The following THSD7A variants were observed in gnomAD, a reference collection of about 807,000 sequenced individuals.
The protein encoded by THSD7A is thrombospondin type-1 domain-containing protein 7A.
In THSD7A, 96 loss-of-function variants were observed where a neutral mutation model predicts 231.3. That is an observed-to-expected ratio of 0.41 (90% confidence interval 0.35 to 0.49). THSD7A has a LOEUF of 0.49. THSD7A is among the 20% of genes least tolerant of loss of function. THSD7A has a pLI of 0.05. For missense variants in THSD7A, 2,290 were observed against 2,070.2 expected (o/e 1.11, Z -2.06); for synonymous variants, 940 against 743.3 (o/e 1.26, Z -4.30).
intron 4 of THSD7A, among the ~76,000 whole-genome samples, chr7:11,551,864 C>T (rs1789642607): frequency 6.6e-6 from 1 of 152,028 alleles, no homozygotes; most frequent in Non-Finnish European, 1.5e-5. Context: ...AAGGAAAATA[C>T]ATCAGTTTAC....
intron 6 of THSD7A, among the ~76,000 whole-genome samples, chr7:11,528,442 G>A (rs1294551013): frequency 6.6e-6 from 1 of 152,086 alleles, no homozygotes; most frequent in East Asian, 1.9e-4. Context: ...CGACTGGGAG[G>A]TAAGATCCAT....
chr7:11,514,010 C>T (rs1386991000), intron 6 of THSD7A, among the ~76,000 whole-genome samples: 2 of 151,936 alleles, frequency 1.3e-5, no homozygotes, highest in Non-Finnish European at 2.9e-5. Flanking sequence ...ATTTCTCAAA[C>T]ATGCTACGTG....
At chr7:11,396,076 TAAG>T (rs1345888904) in intron 23 of THSD7A, among the ~76,000 whole-genome samples, 1 of 151,910 alleles carries the variant, frequency 6.6e-6, no homozygotes, top group East Asian at 1.9e-4. Flanking sequence ...CAGAAATAAG[TAAG>T]TAAGTTATTT....
At chr7:11,732,054 A>G (rs1243052305) in intron 1 of THSD7A, among the ~76,000 whole-genome samples, 2 of 151,692 alleles carry the variant, frequency 1.3e-5, no homozygotes, top group African/African-American at 4.8e-5. Flanking sequence ...AATGCTACTT[A>G]TTACTTAAGG....
At chr7:11,545,783 T>C (rs1789354948) in intron 4 of THSD7A, among the ~76,000 whole-genome samples, 1 of 152,178 alleles carries the variant, frequency 6.6e-6, no homozygotes, top group Non-Finnish European at 1.5e-5. Context: ...GTCTCTAATA[T>C]GTGCAGAATC....
At chr7:11,715,639 C>T (rs1485985913) in intron 1 of THSD7A, among the ~76,000 whole-genome samples, 2 of 151,196 alleles carry the variant, frequency 1.3e-5, no homozygotes, top group African/African-American at 4.8e-5. Context: ...TCTATTTTTG[C>T]TTAAAAAATG....
intron 6 of THSD7A, among the ~76,000 whole-genome samples, chr7:11,523,409 T>A (rs1202125649): frequency 1.3e-5 from 2 of 152,028 alleles, no homozygotes; most frequent in African/African-American, 4.8e-5. Context: ...ACATCACCAC[T>A]AAGAAAAATT....
chr7:11,383,157 T>C (rs1782591641), intron 23 of THSD7A, among the ~76,000 whole-genome samples: 1 of 151,720 alleles, frequency 6.6e-6, no homozygotes, highest in Non-Finnish European at 1.5e-5. Flanking sequence ...ACACACATAA[T>C]TACTATATAC....
chr7:11,500,088 C>A (rs182125125), intron 6 of THSD7A, among the ~76,000 whole-genome samples: 17 of 152,142 alleles, frequency 1.1e-4, no homozygotes, highest in Admixed American at 1.1e-3. Context: ...AGGTCACCTA[C>A]AAAGGAATCT....
At chr7:11,606,572 T>C (rs1264964960) in intron 2 of THSD7A, among the ~76,000 whole-genome samples, 1 of 152,172 alleles carries the variant, frequency 6.6e-6, no homozygotes, top group Non-Finnish European at 1.5e-5. Context: ...TTTTAGCCTC[T>C]GTAGAATGTC....
intron 1 of THSD7A, among the ~76,000 whole-genome samples, chr7:11,716,259 C>A (rs1781133790): frequency 6.6e-6 from 1 of 151,526 alleles, no homozygotes; most frequent in African/African-American, 2.4e-5. Flanking sequence ...TCTCTCCACC[C>A]ATCTTGAATG....
In THSD7A at chr7:11,375,207, T is replaced by C. The variant is rs1432596806; in HGVS notation, c.*587A>G. 6.6e-6 allele frequency: 1 copy of C among 152,072 alleles called. No individual in the cohort carries two copies. Among genetic ancestry groups the C allele is most frequent in the African/African-American group, 2.4e-5 (1 of 41,430 alleles). 9.4% of individuals were successfully genotyped at this position (152,072 alleles called of 1,614,324 possible). On this transcript the variant is annotated 3_prime_UTR_variant, in exon 28 of 28. Transcript: ENST00000423059. Reference sequence around the variant, plus strand: ...AAGAAGTCTTAAAAAAGAGGCTTTGTCTCTGAAATGCAGGTCAATAAAATC... The same window carrying C: ...AAGAAGTCTTAAAAAAGAGGCTTTGCCTCTGAAATGCAGGTCAATAAAATC...
In THSD7A at chr7:11,446,921, C is replaced by T. The variant is rs560299914; in HGVS notation, c.2800+309G>A. ...TGGGTTAACAAAGTAGCAACTTTTT[C>T]TCTTGTTCCCCAAAAACTTTGCTCC... On this transcript the variant is annotated intron_variant, in intron 12 of 27. Coordinates refer to ENST00000423059, the MANE Select transcript of THSD7A (RefSeq NM_015204.3). The surrounding 1 kb of genome is among the most constrained non-coding windows in gnomAD (Gnocchi z 4.0). Among the ~76,000 whole-genome samples the T allele has an allele frequency of 6.6e-6, 1 of 152,200 alleles. No homozygotes were observed. The highest frequency in any genetic ancestry group is 2.1e-4 in the South Asian group (1 of 4,826).
intron 2 of THSD7A, among the ~76,000 whole-genome samples, chr7:11,609,234 A>G (rs767427707): frequency 1.3e-5 from 2 of 152,090 alleles, no homozygotes; most frequent in Non-Finnish European, 2.9e-5. Flanking sequence ...AGCTTCTCAC[A>G]AAGAATAAAA....
chr7:11,435,919 G>A (rs1025030013), intron 13 of THSD7A, among the ~76,000 whole-genome samples: 3 of 151,816 alleles, frequency 2.0e-5, no homozygotes, highest in African/African-American at 4.8e-5. Context: ...AACCTGTGAA[G>A]TTTGGCCTAA....
At chr7:11,639,838 A>G (rs919033249) in intron 1 of THSD7A, among the ~76,000 whole-genome samples, 1 of 152,178 alleles carries the variant, frequency 6.6e-6, no homozygotes, top group South Asian at 2.1e-4. Context: ...CCCTAAAACA[A>G]CTATGAAACA....
At chr7:11,619,718 C>T (rs748960900) in intron 2 of THSD7A, among the ~76,000 whole-genome samples, 30 of 152,034 alleles carry the variant, frequency 2.0e-4, no homozygotes, top group African/African-American at 6.8e-4. Flanking sequence ...CACTGCAACC[C>T]GCCCAATTTA....
intron 2 of THSD7A, among the ~76,000 whole-genome samples, chr7:11,614,730 T>C (rs146097053): frequency 0.012 from 1,886 of 152,300 alleles, 14 homozygotes; most frequent in Non-Finnish European, 0.02. Flanking sequence ...AATTACATTA[T>C]TTTTTACTCA....
intron 1 of THSD7A, among the ~76,000 whole-genome samples, chr7:11,762,736 T>A (rs930869456): frequency 6.6e-6 from 1 of 152,194 alleles, no homozygotes; most frequent in African/African-American, 2.4e-5. Flanking sequence ...AACTCTTTAA[T>A]TTATTTAAGT....
Sources: gnomAD v4.1 joint callset for allele counts (sites outside exome capture counted in the v4.1 genomes callset) on GRCh38, gnomAD v4.1.1 for gene constraint, Gnocchi (gnomAD v3.1) non-coding constraint, MANE v1.5 for transcripts, NCBI Gene and HGNC (gene_info 2026-07-23, HGNC 2026-07-21) for gene names.